The following BTBD9 variants were observed in gnomAD, a reference collection of about 807,000 sequenced individuals.
BTBD9 encodes BTB/POZ domain-containing protein 9.
In BTBD9, 49 loss-of-function variants were observed where a neutral mutation model predicts 64.3. The ratio of observed to expected loss-of-function variants is 0.76; its 90% CI spans 0.61 to 0.97. BTBD9 has a LOEUF of 0.97. Among genes scored for constraint, BTBD9 ranks in the 50% least tolerant of loss-of-function variants. BTBD9 has a pLI of 0.00. For missense variants in BTBD9, 598 were observed against 762.1 expected (o/e 0.78, Z 2.53); for synonymous variants, 260 against 274.7 (o/e 0.95, Z 0.53).
At chr6:38,201,349 A>G (rs1762457532) in intron 9 of BTBD9, among the ~76,000 whole-genome samples, 1 of 152,226 alleles carries the variant, frequency 6.6e-6, no homozygotes, top group Non-Finnish European at 1.5e-5. Context: ...AAACCATATG[A>G]TCATTTCAAT....
At chr6:38,520,481 C>T (rs1461428946) in intron 6 of BTBD9, among the ~76,000 whole-genome samples, 1 of 151,940 alleles carries the variant, frequency 6.6e-6, no homozygotes, top group African/African-American at 2.4e-5. Flanking sequence ...AACAAACAAA[C>T]AAAAAATACA....
intron 8 of BTBD9, among the ~76,000 whole-genome samples, chr6:38,277,229 T>C (rs9470849): frequency 0.71 from 107,264 of 152,092 alleles, 38,519 homozygotes; most frequent in African/African-American, 0.83. Context: ...GAAGTTTTTT[T>C]CAAGAAGTAA....
intron 9 of BTBD9, among the ~76,000 whole-genome samples, chr6:38,244,592 AAG>A (rs1382506929): frequency 6.6e-6 from 1 of 152,178 alleles, no homozygotes; most frequent in Non-Finnish European, 1.5e-5. Flanking sequence ...ACAGCTGGAA[AAG>A]AGTTTTAAAA....
intron 6 of BTBD9, among the ~76,000 whole-genome samples, chr6:38,346,525 A>G (rs1264246082): frequency 6.6e-6 from 1 of 151,934 alleles, no homozygotes; most frequent in African/African-American, 2.4e-5. Flanking sequence ...GGCAACTGCT[A>G]CATGTACCAG....
intron 2 of BTBD9, 32 bp from the exon 3 acceptor site, chr6:38,594,359 C>A: frequency 6.5e-7 from 1 of 1,542,014 alleles, no homozygotes; most frequent in Non-Finnish European, 8.7e-7. Context: ...CATGAAGAAA[C>A]CCTCAAATAG....
intron 6 of BTBD9, among the ~76,000 whole-genome samples, chr6:38,557,134 T>C (rs1775065127): frequency 6.9e-6 from 1 of 145,412 alleles, no homozygotes; most frequent in African/African-American, 2.6e-5. Context: ...GATCATGAGA[T>C]TGGGAGTTTG....
intron 9 of BTBD9, among the ~76,000 whole-genome samples, chr6:38,250,699 AG>A (rs1764360891): frequency 6.6e-6 from 1 of 152,246 alleles, no homozygotes; most frequent in African/African-American, 2.4e-5. Context: ...GGGAAAAATG[AG>A]GGAAATGTAG....
intron 6 of BTBD9, among the ~76,000 whole-genome samples, chr6:38,575,708 T>C (rs942287643): frequency 1.2e-4 from 18 of 152,202 alleles, no homozygotes; most frequent in Non-Finnish European, 2.5e-4. Context: ...GCTATAATTT[T>C]TAAAAAATTC....
intron 7 of BTBD9, among the ~76,000 whole-genome samples, chr6:38,303,840 G>GCTATATATATAT (rs1554137132): frequency 1.3e-5 from 1 of 75,320 alleles, no homozygotes; most frequent in Non-Finnish European, 3.0e-5. Flanking sequence ...TTAGTTGCTA[G>GCTATATATATAT]ATATATATAT....
chr6:38,587,620 G>T, intron 4 of BTBD9: 1 of 590,286 alleles, frequency 1.7e-6, no homozygotes, highest in South Asian at 1.6e-5. Context: ...AAGACCCCTT[G>T]AATCAAGTCA....
chr6:38,544,754 C>T lies in BTBD9; in HGVS notation c.1154+32846G>A, dbSNP rs968258912. On this transcript the variant is annotated intron_variant, in intron 6 of 10. Coordinates refer to ENST00000481247, the MANE Select transcript of BTBD9 (RefSeq NM_001099272.2). ...CCAGGTTGGCCAACGTGGTGAAACC[C>T]TGTCTCTACTAAAAATACAAAAATT... is the stretch of plus-strand genomic sequence containing the variant. Among the ~76,000 whole-genome samples the T allele has an allele frequency of 2.0e-5, 3 of 151,774 alleles. No homozygotes were observed. In the East Asian group the frequency reaches 5.8e-4, roughly 29 times the overall value.
intron 6 of BTBD9, among the ~76,000 whole-genome samples, chr6:38,493,520 CTGTT>C (rs986455540): frequency 2.0e-5 from 3 of 152,162 alleles, no homozygotes; most frequent in Non-Finnish European, 4.4e-5. Context: ...TTTTTTCTCT[CTGTT>C]TAAGTGCTGG....
intron 6 of BTBD9, among the ~76,000 whole-genome samples, chr6:38,352,504 CATATCAAACT>C (rs1187631340): frequency 6.6e-6 from 1 of 152,094 alleles, no homozygotes; most frequent in African/African-American, 2.4e-5. Context: ...AAGATGAAAA[CATATCAAACT>C]ATATGAATTG....
chr6:38,557,719 A>C (rs1775092416), intron 6 of BTBD9, among the ~76,000 whole-genome samples: 1 of 131,860 alleles, frequency 7.6e-6, no homozygotes, highest in Non-Finnish European at 1.5e-5. Flanking sequence ...CAATATTATA[A>C]ACAAAGCTTC....
chr6:38,505,521 G>A (rs567985261), intron 6 of BTBD9, among the ~76,000 whole-genome samples: 1 of 152,136 alleles, frequency 6.6e-6, no homozygotes, highest in South Asian at 2.1e-4. Flanking sequence ...CTACTCAAGA[G>A]GCAGAGGCAG....
At chr6:38,576,203 A>G (rs1776024141) in intron 6 of BTBD9, among the ~76,000 whole-genome samples, 1 of 152,170 alleles carries the variant, frequency 6.6e-6, no homozygotes, top group African/African-American at 2.4e-5. Context: ...GTCAATGCAG[A>G]CTCAATCTCC....
Position 38,592,737 on chromosome 6 carries a change from T to C in BTBD9, c.653A>G (p.His218Arg). The C allele has an allele frequency of 6.2e-7, 1 of 1,614,212 alleles. No individual in the cohort carries two copies. The highest frequency in any genetic ancestry group is 8.5e-7 in the Non-Finnish European group (1 of 1,180,034). ...NWCKHNSKEN[H>R]AEIMQAVRLP... ...ACGCACAGCCTGCATGATTTCAGCA[T>C]GATTCTCCTTTGAATTGTGCTTACA... is the stretch of plus-strand genomic sequence containing the variant. Residue 218 changes from histidine (H) to arginine (R), a missense_variant, in exon 4 of 11, where the codon CAT becomes CGT. Coordinates refer to ENST00000481247, the MANE Select transcript of BTBD9 (RefSeq NM_001099272.2).
intron 9 of BTBD9, among the ~76,000 whole-genome samples, chr6:38,254,735 T>C (rs1376668142): frequency 2.0e-5 from 3 of 152,192 alleles, no homozygotes; most frequent in Non-Finnish European, 2.9e-5. Flanking sequence ...CCTACTAGGA[T>C]GGCTATGGTC....
chr6:38,257,001 C>T lies in BTBD9; in HGVS notation c.1455-485G>A, dbSNP rs145349718. On this transcript the variant is annotated intron_variant, in intron 8 of 10. Coordinates refer to ENST00000481247, the MANE Select transcript of BTBD9 (RefSeq NM_001099272.2). The stretch of plus-strand genomic sequence containing the variant: ...GGAGGCTCACTGTAGCCTCCAACTC[C>T]TAGGCTCAAGTGATCCTCCCACCTC... Among the ~76,000 whole-genome samples the T allele has an allele frequency of 5.4e-3, 819 of 151,876 alleles. 6 individuals are homozygous for T. The highest frequency in any genetic ancestry group is 0.018 in the African/African-American group (730 of 41,404).
Sources: gnomAD v4.1 joint callset for allele counts (sites outside exome capture counted in the v4.1 genomes callset) on GRCh38, gnomAD v4.1.1 for gene constraint, MANE v1.5 for transcripts, NCBI Gene and HGNC (gene_info 2026-07-23, HGNC 2026-07-21) for gene names.